Variants in SUMO2 observed in about 807,000 individuals in gnomAD.
SUMO2 encodes small ubiquitin like modifier 2.
SUMO2 carries 1 observed loss-of-function variant against 16.0 expected under a neutral mutation model. The observed-to-expected ratio is 0.06, with a 90% CI of 0.02 to 0.30. The LOEUF is 0.30. SUMO2 is among the 10% of genes least tolerant of loss of function. The probability of loss-of-function intolerance (pLI) is 1.00; values close to 1 mark genes in which losing one functional copy is unlikely to be tolerated. For synonymous variants in SUMO2, 36 were observed against 40.6 expected (o/e 0.89, Z 0.43); for missense variants, 16 against 117.5 (o/e 0.14, Z 3.99).
At chr17:75,169,312 G>A (rs535745943) in intron 3 of SUMO2, among the ~76,000 whole-genome samples, 41 of 152,222 alleles carry the variant, frequency 2.7e-4, no homozygotes, top group Non-Finnish European at 8.8e-5. Flanking sequence ...GCTGAAGTGG[G>A]CGGGTCACCT....
At chr17:75,177,609 G>GAGGC (rs2074792425) in intron 2 of SUMO2, among the ~76,000 whole-genome samples, 2 of 151,958 alleles carry the variant, frequency 1.3e-5, no homozygotes, top group Admixed American at 1.3e-4. Flanking sequence ...TGGAACCTGG[G>GAGGC]AGGCGGAGGT....
chr17:75,181,706 A>G (rs920835924), intron 1 of SUMO2, among the ~76,000 whole-genome samples: 1 of 152,118 alleles, frequency 6.6e-6, no homozygotes, highest in Non-Finnish European at 1.5e-5. Context: ...CAAACAAAAA[A>G]AACAATCGAA....
At chr17:75,168,740 T>C (rs2074712329) in intron 3 of SUMO2, among the ~76,000 whole-genome samples, 1 of 152,006 alleles carries the variant, frequency 6.6e-6, no homozygotes, top group Admixed American at 6.6e-5. Context: ...GTAGCTGAGA[T>C]TACAGGCATC....
At position 75,181,150 on chromosome 17, in the gene SUMO2, C is replaced by T; in HGVS notation, c.60G>A (p.Leu20=). 1.9e-6 allele frequency: 3 copies of T among 1,614,018 alleles called. No homozygotes were observed. The highest frequency in any genetic ancestry group is 2.5e-6 in the Non-Finnish European group (3 of 1,179,964). Residue 20 remains leucine (L), a synonymous_variant, in exon 2 of 4, where the codon TTG becomes TTA. Coordinates refer to ENST00000420826, the MANE Select transcript of SUMO2 (RefSeq NM_006937.4). ...VKTENNDHIN[L]KVAGQDGSVV... is the part of the protein sequence containing the mutation. ...CAGAACCATCCTGCCCCGCCACCTTCAAATTAATATGATCGTTGTTCTCAG... is the reference window on the plus strand; with the variant it reads ...CAGAACCATCCTGCCCCGCCACCTTTAAATTAATATGATCGTTGTTCTCAG...
chr17:75,168,231 T>C lies in SUMO2; in HGVS notation c.*108A>G. On this transcript the variant is annotated 3_prime_UTR_variant, in exon 4 of 4. Transcript: ENST00000420826. The stretch of plus-strand genomic sequence containing the variant: ...GGAAATGAAAGAATAGAGAAAACTA[T>C]ACGGTAGTAGTCAGGATGTGGTGGA... 1.3e-6 allele frequency: 1 copy of C among 780,182 alleles called. No homozygotes were observed. The highest frequency in any genetic ancestry group is 2.0e-6 in the Non-Finnish European group (1 of 502,468). The allele number at this position is 780,182 out of a possible 1,614,324, so 48.3% of individuals were successfully genotyped here.
chr17:75,178,418 G>A (rs1029449670), intron 2 of SUMO2, among the ~76,000 whole-genome samples: 2 of 150,962 alleles, frequency 1.3e-5, no homozygotes, highest in African/African-American at 4.9e-5. Context: ...GGAGGCTGAG[G>A]CAGGAGAATC....
chr17:75,178,447 G>A (rs375482259), intron 2 of SUMO2, among the ~76,000 whole-genome samples: 52 of 149,806 alleles, frequency 3.5e-4, no homozygotes, highest in Middle Eastern at 3.5e-3. Flanking sequence ...CCAGGAGGCA[G>A]AGGTTGCAGT....
At chr17:75,180,981 C>A in intron 2 of SUMO2, 76 bp downstream of exon 2, 1 of 1,562,236 alleles carries the variant, frequency 6.4e-7, no homozygotes, top group Non-Finnish European at 8.8e-7. Flanking sequence ...ATGTGCTAGT[C>A]TAGTTTTTGT....
intron 1 of SUMO2, chr17:75,182,468 C>A (rs1186712580): frequency 5.3e-6 from 1 of 188,210 alleles, no homozygotes; most frequent in African/African-American, 2.3e-5. Flanking sequence ...GGTGGAGACC[C>A]CGCGCGCCCT....
intron 3 of SUMO2, among the ~76,000 whole-genome samples, chr17:75,174,315 T>G (rs1200350196): frequency 6.6e-6 from 1 of 152,076 alleles, no homozygotes; most frequent in Non-Finnish European, 1.5e-5. Flanking sequence ...TGCTTAAGCA[T>G]GGCAGGCGAG....
At chr17:75,169,268 A>G (rs2074716491) in intron 3 of SUMO2, among the ~76,000 whole-genome samples, 1 of 152,102 alleles carries the variant, frequency 6.6e-6, no homozygotes, top group South Asian at 2.1e-4. Flanking sequence ...GCCACGCACA[A>G]TGGCTCACTC....
intron 2 of SUMO2, among the ~76,000 whole-genome samples, chr17:75,178,453 G>A (rs1434220998): frequency 6.7e-6 from 1 of 149,488 alleles, no homozygotes; most frequent in Non-Finnish European, 1.5e-5. Context: ...GGCAGAGGTT[G>A]CAGTGAGCCG....
At position 75,176,267 on chromosome 17, in the gene SUMO2, T is replaced by C. The variant is rs549970368; in HGVS notation, c.154-1444A>G. 1.1e-4 allele frequency among the ~76,000 whole-genome samples: 17 copies of C among 152,188 alleles called. No individual in the cohort carries two copies. The South Asian group carries it at 2.7e-3, about 24-fold the overall frequency. On this transcript the variant is annotated intron_variant, in intron 2 of 3. Coordinates refer to ENST00000420826, the MANE Select transcript of SUMO2 (RefSeq NM_006937.4). ...GTTAGCCAGGATGGTCTCAATTTCC[T>C]GACCTCGTGATCCGCCTGGCTGGCC...
At chr17:75,181,525 C>CA (rs1399885764) in intron 1 of SUMO2, among the ~76,000 whole-genome samples, 4 of 152,056 alleles carry the variant, frequency 2.6e-5, no homozygotes, top group Non-Finnish European at 4.4e-5. Flanking sequence ...CTTTACCCCC[C>CA]AAAAAAGTTA....
intron 2 of SUMO2, among the ~76,000 whole-genome samples, 196 bp from the exon 3 acceptor site, chr17:75,175,019 T>C (rs2074770956): frequency 6.6e-6 from 1 of 152,188 alleles, no homozygotes; most frequent in Non-Finnish European, 1.5e-5. Context: ...TTTTGATCTG[T>C]TGTCAAGGCT....
chr17:75,180,392 TAAAAAAA>T (rs58684188), intron 2 of SUMO2, among the ~76,000 whole-genome samples: 8 of 44,862 alleles, frequency 1.8e-4, no homozygotes, highest in South Asian at 1.6e-3. Context: ...ACTCCCAGCT[TAAAAAAA>T]AAAAAAAAAA....
chr17:75,175,853 G>A (rs570267299), intron 2 of SUMO2, among the ~76,000 whole-genome samples: 40 of 151,946 alleles, frequency 2.6e-4, no homozygotes, highest in Admixed American at 7.9e-4. Flanking sequence ...GACTGATCTC[G>A]AACTCCTGAC....
chr17:75,175,580 A>C (rs994152555), intron 2 of SUMO2, among the ~76,000 whole-genome samples: 5 of 151,890 alleles, frequency 3.3e-5, no homozygotes, highest in African/African-American at 1.2e-4. Flanking sequence ...TCAGCCTCCC[A>C]AAGTGCTGGG....
At chr17:75,169,269 T>G (rs1394814787) in intron 3 of SUMO2, among the ~76,000 whole-genome samples, 1 of 151,924 alleles carries the variant, frequency 6.6e-6, no homozygotes, top group Non-Finnish European at 1.5e-5. Context: ...CCACGCACAA[T>G]GGCTCACTCC....
Sources: allele counts gnomAD v4.1 joint callset (sites outside exome capture counted in the v4.1 genomes callset), GRCh38; gene constraint gnomAD v4.1.1; transcripts MANE v1.5; gene names NCBI Gene and HGNC (gene_info 2026-07-23, HGNC 2026-07-21).